Variants in AKT3 observed in about 807,000 individuals in gnomAD.
AKT3 encodes the protein RAC-gamma serine/threonine-protein kinase.
AKT3 carries 15 observed loss-of-function variants against 65.3 expected under a neutral mutation model. The observed-to-expected ratio is 0.23, with a 90% CI of 0.15 to 0.35. The LOEUF (loss-of-function observed/expected upper bound fraction) is 0.35. Among genes scored for constraint, AKT3 ranks in the 10% least tolerant of loss-of-function variants. The pLI is 1.00. For synonymous variants in AKT3, 206 were observed against 183.8 expected, an observed-to-expected ratio of 1.12 and a Z score of -0.98; for missense variants, 243 against 576.5, an observed-to-expected ratio of 0.42 and a Z score of 5.92.
intron 2 of AKT3, among the ~76,000 whole-genome samples, chr1:243,705,721 T>C (rs1685755240): frequency 6.6e-6 from 1 of 152,108 alleles, no homozygotes; most frequent in African/African-American, 2.4e-5. Context: ...ACGGTGACTT[T>C]AGTTTACATA....
chr1:243,700,447 T>A (rs1033208078), intron 2 of AKT3, among the ~76,000 whole-genome samples: 1 of 151,916 alleles, frequency 6.6e-6, no homozygotes, highest in South Asian at 2.1e-4. Flanking sequence ...ATAGAAAACA[T>A]CCTGAATTTC....
intron 12 of AKT3, among the ~76,000 whole-genome samples, chr1:243,518,505 G>C (rs2148379934): frequency 6.6e-6 from 1 of 152,180 alleles, no homozygotes; most frequent in South Asian, 2.1e-4. Context: ...CATGCCTGTA[G>C]TCCCAGCTAC....
At chr1:243,730,281 T>C (rs1687468130) in intron 2 of AKT3, among the ~76,000 whole-genome samples, 1 of 152,218 alleles carries the variant, frequency 6.6e-6, no homozygotes, top group African/African-American at 2.4e-5. Context: ...CCTTAGGAGC[T>C]GCCCGCTTTG....
chr1:243,505,143 G>T lies in AKT3; in HGVS notation c.*106C>A. On this transcript the variant is annotated 3_prime_UTR_variant, in exon 14 of 14. Transcript: ENST00000673466. ...TGAGGACCCTTGGCTGGTCTGGGATGTCGGAAGGTGCCCCTGCTATGTGTA... is the reference window on the plus strand; with the variant it reads ...TGAGGACCCTTGGCTGGTCTGGGATTTCGGAAGGTGCCCCTGCTATGTGTA... The T allele has an allele frequency of 1.9e-6, 2 of 1,027,242 alleles. No individual in the cohort carries two copies. The highest frequency in any genetic ancestry group is 3.0e-6 in the Non-Finnish European group (2 of 676,846). 63.6% of individuals were successfully genotyped at this position (1,027,242 alleles called of 1,614,324 possible).
At chr1:243,537,331 A>G (rs139300505) in intron 12 of AKT3, among the ~76,000 whole-genome samples, 1 of 152,014 alleles carries the variant, frequency 6.6e-6, no homozygotes, top group African/African-American at 2.4e-5. Context: ...ATTTCCAGAC[A>G]TATTTATTTC....
intron 12 of AKT3, among the ~76,000 whole-genome samples, chr1:243,522,976 G>C (rs1670815426): frequency 6.6e-6 from 1 of 152,096 alleles, no homozygotes; most frequent in Admixed American, 6.6e-5. Context: ...GAGAGACCCA[G>C]TGATAGGGAA....
intron 13 of AKT3, among the ~76,000 whole-genome samples, chr1:243,508,283 C>A (rs1272069083): frequency 6.6e-6 from 1 of 152,236 alleles, no homozygotes; most frequent in African/African-American, 2.4e-5. Context: ...AACCCAGAAG[C>A]TGCAGTTAAC....
rs1322565095 is a variant in AKT3, at chr1:243,500,056, A to T, written c.*5193T>A. On this transcript the variant is annotated 3_prime_UTR_variant, in exon 14 of 14. Transcript: ENST00000673466. ...AATCTGCTCATTCGTATGCTAGGTT[A>T]TACATATGATTTTCAATAAATGAAC... 1.1e-5 allele frequency: 5 copies of T among 464,714 alleles called. No individual in the cohort carries two copies. Among genetic ancestry groups the T allele is most frequent in the Non-Finnish European group, 1.9e-5 (5 of 262,944 alleles). The allele number at this position is 464,714 out of a possible 1,614,324, so 28.8% of individuals were successfully genotyped here.
At chr1:243,741,673 A>T (rs1688161919) in intron 2 of AKT3, 1 of 152,188 alleles carries the variant, frequency 6.6e-6, no homozygotes. Context: ...TGCGCTAAAC[A>T]TCTCACATTT....
chr1:243,811,600 G>A (rs1349050104), intron 2 of AKT3, among the ~76,000 whole-genome samples: 1 of 152,080 alleles, frequency 6.6e-6, no homozygotes, highest in Admixed American at 6.5e-5. Context: ...TACTGCCCAA[G>A]GTAATTTATA....
intron 2 of AKT3, among the ~76,000 whole-genome samples, chr1:243,839,117 A>C (rs1324667758): frequency 6.6e-6 from 1 of 152,224 alleles, no homozygotes; most frequent in Non-Finnish European, 1.5e-5. Flanking sequence ...TAAGCAAATG[A>C]AAGTTAATAA....
At chr1:243,497,457 C>G (rs571900674), downstream of AKT3, among the ~76,000 whole-genome samples, 304 of 152,130 alleles carry the variant, frequency 2.0e-3, 4 homozygotes, top group African/African-American at 7.0e-3. Context: ...CATGGCTGAT[C>G]TGCCGCAGGA....
chr1:243,696,671 CA>C (rs1685083267), intron 2 of AKT3, among the ~76,000 whole-genome samples: 1 of 152,012 alleles, frequency 6.6e-6, no homozygotes, highest in African/African-American at 2.4e-5. Flanking sequence ...GACCCAAACT[CA>C]AACCCAACAT....
chr1:243,527,924 CACACACACACACAG>C (rs1429771205), intron 12 of AKT3, among the ~76,000 whole-genome samples: 3,972 of 69,788 alleles, frequency 0.057, 70 homozygotes, highest in East Asian at 0.09. Flanking sequence ...CACACACACA[CACACACACACACAG>C]AGAGAGAGAG....
intron 2 of AKT3, among the ~76,000 whole-genome samples, chr1:243,701,331 G>A (rs747732713): frequency 3.3e-5 from 5 of 152,152 alleles, no homozygotes; most frequent in Non-Finnish European, 7.3e-5. Flanking sequence ...CCTTTTTAAG[G>A]CTACATTGTG....
chr1:243,523,486 T>C (rs746334909), intron 12 of AKT3, among the ~76,000 whole-genome samples: 1 of 152,146 alleles, frequency 6.6e-6, no homozygotes, highest in Non-Finnish European at 1.5e-5. Flanking sequence ...AAAAAAGAAG[T>C]ATGTTTTTTG....
At position 243,678,932 on chromosome 1, in the gene AKT3, A is replaced by C. The variant is rs759000710; in HGVS notation, c.173-14049T>G. 5.9e-5 allele frequency among the ~76,000 whole-genome samples: 9 copies of C among 152,054 alleles called. No individual in the cohort carries two copies. The South Asian group carries it at 8.3e-4, about 14-fold the overall frequency. On this transcript the variant is annotated intron_variant, in intron 3 of 13. Coordinates refer to ENST00000673466, the MANE Select transcript of AKT3 (RefSeq NM_005465.7). Reference sequence around the variant, plus strand: ...CAATAATAGTACACCAAATGTGCCTATCTCTCCTGCCTTCTCCTTCCACCC... The same window carrying C: ...CAATAATAGTACACCAAATGTGCCTCTCTCTCCTGCCTTCTCCTTCCACCC...
intron 2 of AKT3, among the ~76,000 whole-genome samples, chr1:243,782,683 G>T (rs1690989442): frequency 6.6e-6 from 1 of 152,168 alleles, no homozygotes; most frequent in South Asian, 2.1e-4. Flanking sequence ...CAATGCTGAT[G>T]AATTATTTAA....
intron 2 of AKT3, among the ~76,000 whole-genome samples, chr1:243,829,581 C>T (rs1190295700): frequency 6.6e-6 from 1 of 151,966 alleles, no homozygotes; most frequent in African/African-American, 2.4e-5. Context: ...AAGGATAGGC[C>T]TCATATTTAA....
Sources: allele counts gnomAD v4.1 joint callset (sites outside exome capture counted in the v4.1 genomes callset), GRCh38; gene constraint gnomAD v4.1.1; transcripts MANE v1.5; gene names NCBI Gene and HGNC (gene_info 2026-07-23, HGNC 2026-07-21).